MGLL: variants seen among roughly 807,000 people sequenced by gnomAD.
The protein encoded by MGLL is monoglyceride lipase, also known as lysophospholipase homolog.
A neutral mutation model predicts 29.1 loss-of-function variants in MGLL; 7 were observed. The ratio of observed to expected loss-of-function variants is 0.24; its 90% CI spans 0.14 to 0.45. MGLL has a LOEUF of 0.45. Among genes scored for constraint, MGLL ranks in the 20% least tolerant of loss-of-function variants. MGLL has a pLI of 0.99. For missense variants in MGLL, 356 were observed against 413.6 expected (o/e 0.86, Z 1.21); for synonymous variants, 148 against 168.3 (o/e 0.88, Z 0.93).
At chr3:127,693,077 G>A (rs572227542) in intron 7 of MGLL, among the ~76,000 whole-genome samples, 5 of 152,264 alleles carry the variant, frequency 3.3e-5, no homozygotes, top group East Asian at 1.9e-4. Flanking sequence ...ATCTCCATCC[G>A]AATTTCTGGC....
chr3:127,741,008 C>G (rs922342325), intron 3 of MGLL, among the ~76,000 whole-genome samples: 1 of 152,178 alleles, frequency 6.6e-6, no homozygotes, highest in Admixed American at 6.5e-5. Flanking sequence ...CCACGGCTAC[C>G]CCCAGTGAGC....
intron 6 of MGLL, among the ~76,000 whole-genome samples, chr3:127,696,081 C>T (rs898598178): frequency 2.6e-5 from 4 of 152,214 alleles, no homozygotes; most frequent in African/African-American, 4.8e-5. Flanking sequence ...GCTCGGCCTC[C>T]GTGCCCCTCA....
chr3:127,707,250 G>A (rs2075621440), intron 6 of MGLL, among the ~76,000 whole-genome samples: 1 of 152,122 alleles, frequency 6.6e-6, no homozygotes, highest in Non-Finnish European at 1.5e-5. Flanking sequence ...TCTGCCTCCC[G>A]CCTCCACCCC....
chr3:127,758,124 C>T (rs2076696801), intron 3 of MGLL, among the ~76,000 whole-genome samples: 1 of 152,198 alleles, frequency 6.6e-6, no homozygotes, highest in Non-Finnish European at 1.5e-5. Context: ...AGGACCTTTG[C>T]ACTGGCCACC....
At chr3:127,790,275 G>A (rs1390290466) in intron 2 of MGLL, among the ~76,000 whole-genome samples, 2 of 152,184 alleles carry the variant, frequency 1.3e-5, no homozygotes, top group Non-Finnish European at 2.9e-5. Context: ...CGAGCCCAGC[G>A]TGCATCGGAG....
intron 5 of MGLL, among the ~76,000 whole-genome samples, chr3:127,719,971 T>A (rs958880176): frequency 6.6e-6 from 1 of 152,180 alleles, no homozygotes; most frequent in African/African-American, 2.4e-5. Flanking sequence ...ATGGCTGAAA[T>A]TTTCTGTTTT....
At chr3:127,750,809 T>A (rs914043796) in intron 3 of MGLL, among the ~76,000 whole-genome samples, 12 of 152,366 alleles carry the variant, frequency 7.9e-5, no homozygotes, top group African/African-American at 2.9e-4. Context: ...AAACTGCAAC[T>A]GTACATATGC....
At position 127,690,503 on chromosome 3, in the gene MGLL, G is replaced by A. The variant is rs960226747; in HGVS notation, c.*1695C>T. The A allele has an allele frequency of 6.6e-6, 1 of 152,568 alleles. No individual in the cohort carries two copies. Among genetic ancestry groups the A allele is most frequent in the African/African-American group, 2.4e-5 (1 of 41,448 alleles). 9.5% of individuals were successfully genotyped at this position (152,568 alleles called of 1,614,324 possible). On this transcript the variant is annotated 3_prime_UTR_variant, in exon 8 of 8. Coordinates refer to ENST00000265052, the MANE Select transcript of MGLL (RefSeq NM_007283.7). ...GAGGGGCACACTCTCCAGGAACCAA[G>A]GTTAGCCTCCAGAACAGGGCCTGGG...
chr3:127,715,605 G>A (rs2075797412), intron 5 of MGLL: 1 of 450,270 alleles, frequency 2.2e-6, no homozygotes, highest in Non-Finnish European at 4.5e-6. Context: ...GAAAGGGTAG[G>A]ATGGGAGGAG....
intron 2 of MGLL, among the ~76,000 whole-genome samples, chr3:127,819,159 G>A (rs1443082512): frequency 3.3e-5 from 5 of 152,222 alleles, no homozygotes; most frequent in African/African-American, 9.6e-5. Context: ...AGCGGGTTAA[G>A]CCAGGTTCCC....
At chr3:127,735,626 C>A in intron 3 of MGLL, 1 of 1,404,864 alleles carries the variant, frequency 7.1e-7, no homozygotes, top group Non-Finnish European at 9.6e-7. Context: ...AACACAAATT[C>A]CAAGATTGTA....
chr3:127,808,450 AGTCTTAT>A (rs2077606947), intron 2 of MGLL, among the ~76,000 whole-genome samples: 1 of 152,220 alleles, frequency 6.6e-6, no homozygotes, highest in African/African-American at 2.4e-5. Flanking sequence ...TCCCAGGGGA[AGTCTTAT>A]TGATCACTGA....
chr3:127,813,871 G>C (rs1381978888), intron 2 of MGLL, among the ~76,000 whole-genome samples: 1 of 152,056 alleles, frequency 6.6e-6, no homozygotes, highest in Non-Finnish European at 1.5e-5. Flanking sequence ...CCAAGGTCAG[G>C]GACAGCTGCT....
rs2075912262 is a variant in MGLL, at chr3:127,721,130, T to C, written c.433A>G (p.Arg145Gly). Residue 145 changes from arginine to glycine, a missense_variant, in exon 5 of 8, where the codon AGG becomes GGG. By Grantham distance (125) the Arg-to-Gly change is moderately radical. Coordinates refer to ENST00000265052, the MANE Select transcript of MGLL (RefSeq NM_007283.7). ...ACCATGCCGGCGAAGTGGCCCGGCC[T>C]CTCTGCGGCCGTGAGGATGGCGATG... Reference protein sequence around the residue: ...GAIAILTAAERPGHFAGMVLI... With the variant: ...GAIAILTAAEGPGHFAGMVLI... 2 of 1,614,094 alleles carry C rather than the reference T, an allele frequency of 1.2e-6. No individual in the cohort carries two copies. The highest frequency in any genetic ancestry group is 1.6e-4 in the Middle Eastern group (1 of 6,084).
At chr3:127,770,368 C>A (rs980402114) in intron 3 of MGLL, among the ~76,000 whole-genome samples, 7 of 152,156 alleles carry the variant, frequency 4.6e-5, no homozygotes, top group African/African-American at 1.7e-4. Flanking sequence ...ATCCTTTAAT[C>A]AAATGAAATA....
intron 3 of MGLL, among the ~76,000 whole-genome samples, chr3:127,769,973 G>C (rs1314460048): frequency 6.6e-6 from 1 of 152,158 alleles, no homozygotes; most frequent in Non-Finnish European, 1.5e-5. Context: ...CCTTCCCCAG[G>C]CCGCTCTGCT....
intron 3 of MGLL, among the ~76,000 whole-genome samples, chr3:127,753,517 G>A (rs569135792): frequency 1.1e-4 from 16 of 152,332 alleles, no homozygotes; most frequent in East Asian, 5.8e-4. Context: ...TTCTACCAGC[G>A]TTTGCTGAGA....
At position 127,782,535 on chromosome 3, in the gene MGLL, C is replaced by G. The variant is rs375517611; in HGVS notation, c.156-640G>C. 2.6e-3 allele frequency among the ~76,000 whole-genome samples: 401 copies of G among 152,294 alleles called. 2 individuals carry two copies. Among genetic ancestry groups the G allele is most frequent in the Non-Finnish European group, 4.4e-3 (297 of 68,008 alleles). ...TGGGAGCTAATCGATGCCAATGGCC[C>G]AGGCAGAGTGCTGGCGCGGGGCAGG... On this transcript the variant is annotated intron_variant, in intron 2 of 7. Transcript: ENST00000265052.
intron 6 of MGLL, among the ~76,000 whole-genome samples, chr3:127,698,111 C>T (rs1364610836): frequency 6.6e-6 from 1 of 152,206 alleles, no homozygotes. Context: ...ATCACGTAGG[C>T]CCTGTTTACA....
Sources: gnomAD v4.1 joint callset for allele counts (sites outside exome capture counted in the v4.1 genomes callset) on GRCh38, gnomAD v4.1.1 for gene constraint, MANE v1.5 for transcripts, NCBI Gene and HGNC (gene_info 2026-07-23, HGNC 2026-07-21) for gene names.